The following C16orf92 variants were observed in gnomAD, a reference collection of about 807,000 sequenced individuals.
C16orf92 encodes the protein fertilization-influencing membrane protein.
C16orf92 carries 14 observed loss-of-function variants against 13.7 expected under a neutral mutation model. The observed-to-expected ratio is 1.02, with a 90% confidence interval of 0.67 to 1.60. C16orf92 has a LOEUF of 1.60. C16orf92 is among the 40% of genes most tolerant of loss of function. The probability of loss-of-function intolerance (pLI) is 0.00; values close to 1 mark genes in which losing one functional copy is unlikely to be tolerated. For missense variants in C16orf92, 116 were observed against 139.0 expected (o/e 0.83, Z 0.83); for synonymous variants, 50 against 57.4 (o/e 0.87, Z 0.58).
chr16:30,025,201 G>GGCC (rs2071055898), downstream of C16orf92: 8 of 1,482,854 alleles, frequency 5.4e-6, no homozygotes, highest in South Asian at 6.9e-5. This position sits in a 1 kb window ranked among gnomAD's most constrained non-coding sequence, Gnocchi z 4.1. Flanking sequence ...GGGCCTGGCA[G>GGCC]GCCGGGGGCG....
At chr16:30,025,253 A>T, downstream of C16orf92, 1 of 1,534,826 alleles carries the variant, frequency 6.5e-7, no homozygotes, top group Non-Finnish European at 8.8e-7. This position sits in a 1 kb window ranked among gnomAD's most constrained non-coding sequence, Gnocchi z 4.1. Context: ...CCCACGGCAG[A>T]TGAGGAAGAA....
chr16:30,024,009 C>T lies in C16orf92; in HGVS notation c.234C>T (p.Pro78=), dbSNP rs368108427. The change falls in exon 3 of 4, where the codon CCC becomes CCT. Residue 78 remains proline, a synonymous_variant. Transcript: ENST00000681219. ...CTGTTTGTCTAGCAGGTTCCAGCCC[C>T]GGGCTCTTCCATCACATCCTGGTGG... ...PIVFINSGSS[P]GLFHHILVGL... is the part of the protein sequence containing the mutation. 44 of 1,613,694 alleles carry T rather than the reference C, an allele frequency of 2.7e-5. No individual in the cohort carries two copies. Among genetic ancestry groups the T allele is most frequent in the Non-Finnish European group, 3.6e-5 (42 of 1,179,574 alleles).
Position 30,024,438 on chromosome 16 carries a change from C to A in C16orf92, c.*211C>A. ...GGCAAGGGCCTTGGTGGCGTTCACG[C>A]AGATCGTCTTTTATTAGCGGTCTGT... On this transcript the variant is annotated 3_prime_UTR_variant, in exon 4 of 4. Transcript: ENST00000681219. The A allele has an allele frequency of 3.0e-6, 2 of 677,242 alleles. No homozygotes were observed. Among genetic ancestry groups the A allele is most frequent in the Non-Finnish European group, 4.9e-6 (2 of 408,724 alleles). The allele number at this position is 677,242 out of a possible 1,614,324, so 42.0% of individuals were successfully genotyped here.
downstream of C16orf92, chr16:30,025,200 A>AGGCCGGGGGC (rs1280064504): frequency 9.8e-5 from 145 of 1,477,884 alleles, no homozygotes; most frequent in Non-Finnish European, 1.3e-4. The surrounding 1 kb of genome is among the most constrained non-coding windows in gnomAD (Gnocchi z 4.1). Context: ...TGGGCCTGGC[A>AGGCCGGGGGC]GGCCGGGGGC....
intron 2 of C16orf92, 23 bp downstream of exon 2, chr16:30,023,908 AC>A: frequency 6.3e-7 from 1 of 1,599,774 alleles, no homozygotes; most frequent in Non-Finnish European, 8.6e-7. Flanking sequence ...TTGAGAAGGG[AC>A]CTCCCTCCCC....
At chr16:30,025,583 A>C (rs1478679548), downstream of C16orf92, 1 of 1,512,208 alleles carries the variant, frequency 6.6e-7, no homozygotes. The surrounding 1 kb of genome is among the most constrained non-coding windows in gnomAD (Gnocchi z 4.1). Context: ...ACACTTTGCC[A>C]GGACACAAGC....
Position 30,024,209 on chromosome 16 carries a change from C to T in C16orf92, c.315C>T (p.Asn105=). The change falls in exon 4 of 4, where the codon AAC becomes AAT. Residue 105 remains asparagine (N), a synonymous_variant. Coordinates refer to ENST00000681219, the MANE Select transcript of C16orf92 (RefSeq NM_001109659.2). ...CTCTGATCTCCATGCCCCACAGAAA[C>T]TTCCAGAAAGGGGCCTAAAGAGCCG... is the stretch of plus-strand genomic sequence containing the variant. ...FLLFQFCTHI[N]FQKGA is the part of the protein sequence containing the mutation. 1.2e-6 allele frequency: 2 copies of T among 1,614,104 alleles called. No homozygotes were observed. Among genetic ancestry groups the T allele is most frequent in the Non-Finnish European group, 8.5e-7 (1 of 1,179,980 alleles).
downstream of C16orf92, chr16:30,025,666 G>A (rs2071093907): frequency 6.4e-7 from 1 of 1,566,590 alleles, no homozygotes; most frequent in Admixed American, 1.7e-5. The surrounding 1 kb of genome is among the most constrained non-coding windows in gnomAD (Gnocchi z 4.1). Context: ...CAACCTTGAA[G>A]GTCCCTCCCC....
At chr16:30,027,713 A>G, downstream of C16orf92, 1 of 452,670 alleles carries the variant, frequency 2.2e-6, no homozygotes, top group Non-Finnish European at 4.5e-6. Context: ...TAGACAAGAC[A>G]GCATTTTTCT....
At chr16:30,024,948 C>G, downstream of C16orf92, 1 of 463,074 alleles carries the variant, frequency 2.2e-6, no homozygotes, top group Non-Finnish European at 3.8e-6. Flanking sequence ...GAGGCGGTGC[C>G]CCCTCCCCTC....
At chr16:30,027,160 C>A (rs1187318880), downstream of C16orf92, 1 of 492,680 alleles carries the variant, frequency 2.0e-6, no homozygotes, top group South Asian at 1.5e-5. Context: ...CCAAAATAAG[C>A]CCAGGACAGG....
chr16:30,027,068 A>G (rs2071176015), downstream of C16orf92: 1 of 659,612 alleles, frequency 1.5e-6, no homozygotes, highest in Admixed American at 2.1e-5. Flanking sequence ...GAACTCACCC[A>G]TGTTCCTCTC....
downstream of C16orf92, chr16:30,026,774 G>A (rs1265420847): frequency 6.2e-7 from 1 of 1,614,174 alleles, no homozygotes; most frequent in South Asian, 1.1e-5. Context: ...AGTGACAGAG[G>A]AACATGGCGT....
At chr16:30,023,703 TCA>T (rs764610649) in intron 1 of C16orf92, 22 bp from the exon 2 acceptor site, 24 of 1,613,956 alleles carry the variant, frequency 1.5e-5, no homozygotes, top group East Asian at 2.2e-5. Context: ...TTGGCTGTTG[TCA>T]CAGAGTTTGC....
chr16:30,026,869 G>T (rs750794691), downstream of C16orf92: 1 of 1,594,680 alleles, frequency 6.3e-7, no homozygotes, highest in Non-Finnish European at 8.6e-7. Flanking sequence ...ACGGGGTGGG[G>T]GAGCAAGGAG....
At chr16:30,023,454 T>C (rs1251913917) in intron 1 of C16orf92, 50 bp downstream of exon 1, 2 of 1,566,518 alleles carry the variant, frequency 1.3e-6, no homozygotes, top group Non-Finnish European at 1.7e-6. Context: ...TCTGGGAGCA[T>C]AAAGTGTGAT....
At chr16:30,026,715 CT>C, downstream of C16orf92, 1 of 1,614,016 alleles carries the variant, frequency 6.2e-7, no homozygotes, top group Non-Finnish European at 8.5e-7. Flanking sequence ...GCCCGGGGCT[CT>C]GGCCGCTCCG....
Position 30,024,536 on chromosome 16 carries a change from C to CA in C16orf92, c.*310dup. On this transcript the variant is annotated 3_prime_UTR_variant, in exon 4 of 4. Transcript: ENST00000681219. ...GAGGTCAGTAGCACCAGGGACATGG[C>CA]AGGGCCCGAGGGCGCGATGTGCAGC... is the stretch of plus-strand genomic sequence containing the variant. 1 of 451,928 alleles carries CA rather than the reference C, an allele frequency of 2.2e-6. No individual in the cohort carries two copies. 28.0% of individuals were successfully genotyped at this position (451,928 alleles called of 1,614,324 possible).
chr16:30,025,775 A>G (rs2071100435), downstream of C16orf92: 3 of 1,614,042 alleles, frequency 1.9e-6, no homozygotes, highest in Non-Finnish European at 2.5e-6. This position sits in a 1 kb window ranked among gnomAD's most constrained non-coding sequence, Gnocchi z 4.1. Context: ...GACCTCTGCC[A>G]TCAACATGCA....
Sources: gnomAD v4.1 joint callset for allele counts on GRCh38, gnomAD v4.1.1 for gene constraint, Gnocchi (gnomAD v3.1) non-coding constraint, MANE v1.5 for transcripts, NCBI Gene and HGNC (gene_info 2026-07-23, HGNC 2026-07-21) for gene names.